The following DHX9 variants were observed in gnomAD, a reference collection of about 807,000 sequenced individuals.
The protein encoded by DHX9 is DExH-box helicase 9, also known as ATP-dependent RNA helicase A.
A neutral mutation model predicts 148.7 loss-of-function variants in DHX9; 27 were observed. The observed-to-expected ratio is 0.18, with a 90% CI of 0.13 to 0.25. The LOEUF (loss-of-function observed/expected upper bound fraction) is 0.25. Among genes scored for constraint, DHX9 ranks in the 10% least tolerant of loss-of-function variants. The probability of loss-of-function intolerance (pLI) is 1.00; values close to 1 mark genes in which losing one functional copy is unlikely to be tolerated. For missense variants in DHX9, 796 were observed against 1,559.6 expected, an observed-to-expected ratio of 0.51 and a Z score of 8.25; for synonymous variants, 529 against 516.6, an observed-to-expected ratio of 1.02 and a Z score of -0.33.
intron 3 of DHX9, among the ~76,000 whole-genome samples, chr1:182,850,267 TCATC>T (rs1317999955): frequency 1.3e-5 from 2 of 152,078 alleles, no homozygotes; most frequent in African/African-American, 4.8e-5. Flanking sequence ...CTAGGCTAAA[TCATC>T]CAGCCTTGGT....
rs551520744 is a variant in DHX9 at position 182,849,410 on chromosome 1, A to T, written c.253-2823A>T. Among the ~76,000 whole-genome samples, 259 of 152,132 alleles carry T rather than the reference A, an allele frequency of 1.7e-3. 1 individual carries two copies. The highest frequency in any genetic ancestry group is 3.2e-3 in the Non-Finnish European group (215 of 67,926). On this transcript the variant is annotated intron_variant, in intron 3 of 27. Transcript: ENST00000367549. ...TTAACTAAAACATAATTCTTTTTTT[A>T]AAAAAAGTATTATAATCAAACCTAA...
chr1:182,884,730 C>G lies in DHX9; in HGVS notation c.3378C>G (p.Pro1126=). 1.2e-6 allele frequency: 2 copies of G among 1,614,054 alleles called. No homozygotes were observed. Among genetic ancestry groups the G allele is most frequent in the Non-Finnish European group, 1.7e-6 (2 of 1,180,028 alleles). Residue 1126 remains proline (P), a synonymous_variant, in exon 27 of 28, where the codon CCC becomes CCG. Coordinates refer to ENST00000367549, the MANE Select transcript of DHX9 (RefSeq NM_001357.5). ...CTGCTATCATCAGCCAGTTGGACCC[C>G]GTAAATGAACGTATGCTGAACATGA... is the stretch of plus-strand genomic sequence containing the variant. The part of the protein sequence containing the change: ...KQPAIISQLD[P]VNERMLNMIR...
chr1:182,858,515 G>A, intron 8 of DHX9, 36 bp from the exon 9 acceptor site: 1 of 1,532,900 alleles, frequency 6.5e-7, no homozygotes, highest in East Asian at 2.3e-5. Flanking sequence ...TAGTAGATTT[G>A]AGTAGTGTTG....
rs771458283 is a variant in DHX9 at position 182,883,123 on chromosome 1, G to T, written c.2915-16G>T. On this transcript the variant is annotated splice_polypyrimidine_tract_variant and intron_variant, in intron 24 of 27. Coordinates refer to ENST00000367549, the MANE Select transcript of DHX9 (RefSeq NM_001357.5). ...CAGTTATCTGATTTTTGTTTTCACT[G>T]TGCTCCTCTTAACAGATTGTTTGTT... 6.3e-7 allele frequency: 1 copy of T among 1,589,778 alleles called. No individual in the cohort carries two copies. Among genetic ancestry groups the T allele is most frequent in the South Asian group, 1.1e-5 (1 of 90,424 alleles).
chr1:182,841,919 G>A (rs1667939270), intron 1 of DHX9, among the ~76,000 whole-genome samples: 2 of 152,220 alleles, frequency 1.3e-5, no homozygotes, highest in Non-Finnish European at 2.9e-5. Context: ...ACCGTCTTCA[G>A]TACTGAGTGC....
chr1:182,860,329 C>A, intron 12 of DHX9, 145 bp downstream of exon 12: 2 of 689,102 alleles, frequency 2.9e-6, no homozygotes, highest in Non-Finnish European at 2.2e-6. Flanking sequence ...ATAAAAACAA[C>A]GTAGTCTTTT....
chr1:182,880,411 G>T (rs76388620), intron 21 of DHX9, 86 bp from the exon 22 acceptor site: 1 of 870,362 alleles, frequency 1.1e-6, no homozygotes, highest in Admixed American at 2.1e-5. Flanking sequence ...ACTCTAAACT[G>T]TCTTAACCTT....
At chr1:182,844,578 C>T (rs1225375966) in intron 3 of DHX9, among the ~76,000 whole-genome samples, 1 of 152,072 alleles carries the variant, frequency 6.6e-6, no homozygotes, top group Non-Finnish European at 1.5e-5. Context: ...CGGAGTCTTG[C>T]TCTGTTACCT....
In DHX9 at chr1:182,839,403, G is replaced by C. The variant is rs1667869174; in HGVS notation, c.-76G>C. 6.6e-6 allele frequency: 1 copy of C among 152,390 alleles called. No homozygotes were observed. The highest frequency in any genetic ancestry group is 2.4e-5 in the African/African-American group (1 of 41,462). 9.4% of individuals were successfully genotyped at this position (152,390 alleles called of 1,614,324 possible). On this transcript the variant is annotated 5_prime_UTR_variant, in exon 1 of 28. Transcript: ENST00000367549. ...TGTGCGTTTCTCTGTTGTCTCGGTA[G>C]AAGGCCAGAGTCACACACGGTCCTA...
At chr1:182,853,951 GACAGT>G in intron 5 of DHX9, 74 bp from the exon 6 acceptor site, 1 of 1,315,842 alleles carries the variant, frequency 7.6e-7, no homozygotes, top group Non-Finnish European at 1.1e-6. Flanking sequence ...ATAGTACAAA[GACAGT>G]ATTAAAAATT....
chr1:182,879,888 G>A (rs58429741), intron 21 of DHX9, among the ~76,000 whole-genome samples: 5,608 of 151,968 alleles, frequency 0.037, 317 homozygotes, highest in African/African-American at 0.12. Flanking sequence ...ACCACACCCG[G>A]CTAATTTTTA....
intron 11 of DHX9, among the ~76,000 whole-genome samples, 168 bp downstream of exon 11, chr1:182,859,285 G>A (rs1298623084): frequency 6.6e-6 from 1 of 152,188 alleles, no homozygotes; most frequent in Admixed American, 6.5e-5. Context: ...TATGAGTTGA[G>A]GGCCTGTGAG....
At chr1:182,859,196 A>G (rs1386885149) in intron 11 of DHX9, 79 bp downstream of exon 11, 2 of 1,336,718 alleles carry the variant, frequency 1.5e-6, no homozygotes, top group Admixed American at 3.6e-5. Context: ...AATGAGCAGT[A>G]CATTTTGCCC....
intron 2 of DHX9, among the ~76,000 whole-genome samples, 162 bp downstream of exon 2, chr1:182,842,839 T>C (rs1667956187): frequency 2.0e-5 from 3 of 152,244 alleles, no homozygotes; most frequent in Admixed American, 2.0e-4. Flanking sequence ...AAGTCAGCAT[T>C]ACTTTTAAAA....
In DHX9 at chr1:182,858,616, G is replaced by A; in HGVS notation, c.876G>A (p.Glu292=). 6.2e-7 allele frequency: 1 copy of A among 1,610,068 alleles called. No individual in the cohort carries two copies. The highest frequency in any genetic ancestry group is 1.1e-5 in the South Asian group (1 of 90,950). Residue 292 remains glutamate, a synonymous_variant, in exon 9 of 28, where the codon GAG becomes GAA. Coordinates refer to ENST00000367549, the MANE Select transcript of DHX9 (RefSeq NM_001357.5). ...ATCAGCTGCAAAACATCATTCAAGAGCTAAATCTTGAGATTTTGCCCCCGG... is the reference window on the plus strand; with the variant it reads ...ATCAGCTGCAAAACATCATTCAAGAACTAAATCTTGAGATTTTGCCCCCGG... The part of the protein sequence containing the change: ...LEHQLQNIIQ[E]LNLEILPPPE...
At chr1:182,858,933 TTTACTC>T in intron 10 of DHX9, 39 bp downstream of exon 10, 1 of 1,612,202 alleles carries the variant, frequency 6.2e-7, no homozygotes, top group Admixed American at 1.7e-5. Context: ...AGTCTTGTGT[TTTACTC>T]TTGAGACTAT....
chr1:182,850,594 C>CAAAA (rs369880071), intron 3 of DHX9, among the ~76,000 whole-genome samples: 1 of 72,286 alleles, frequency 1.4e-5, no homozygotes, highest in Non-Finnish European at 3.1e-5. Context: ...GACCCTGTCT[C>CAAAA]AAAAAAAAAA....
At chr1:182,854,474 T>C (rs1295430872) in intron 6 of DHX9, among the ~76,000 whole-genome samples, 2 of 152,236 alleles carry the variant, frequency 1.3e-5, no homozygotes, top group African/African-American at 4.8e-5. Context: ...AATTGCTGGT[T>C]TGTCCCTAGT....
rs1047562905 is a variant in DHX9, at chr1:182,881,545, C to T, written c.2812C>T (p.Arg938Cys). ...AATGGGTGGAGAAGAAGCAGAGATA[C>T]GTTTTTGTGAGCACAAAAGACTTAA... is the stretch of plus-strand genomic sequence containing the variant. ...ARMGGEEAEI[R>C]FCEHKRLNMA... Residue 938 changes from arginine (R) to cysteine (C), a missense_variant, in exon 24 of 28, where the codon CGT becomes TGT. Transcript: ENST00000367549. The T allele has an allele frequency of 2.5e-6, 4 of 1,612,670 alleles. No homozygotes were observed. In the African/African-American group the frequency reaches 4.0e-5, roughly 16 times the overall value.
Sources: gnomAD v4.1 joint callset for allele counts (sites outside exome capture counted in the v4.1 genomes callset) on GRCh38, gnomAD v4.1.1 for gene constraint, MANE v1.5 for transcripts, NCBI Gene and HGNC (gene_info 2026-07-23, HGNC 2026-07-21) for gene names.